The following MACROD2 variants were observed in gnomAD, a reference collection of about 807,000 sequenced individuals.
The protein encoded by MACROD2 is mono-ADP ribosylhydrolase 2.
MACROD2 carries 36 observed loss-of-function variants against 70.4 expected under a neutral mutation model. The ratio of observed to expected loss-of-function variants is 0.51; its 90% CI spans 0.39 to 0.68. The LOEUF is 0.68. Among genes scored for constraint, MACROD2 ranks in the 30% least tolerant of loss-of-function variants. The probability of loss-of-function intolerance (pLI) is 0.00; values close to 1 mark genes in which losing one functional copy is unlikely to be tolerated. For missense variants in MACROD2, 496 were observed against 538.4 expected, an observed-to-expected ratio of 0.92 and a Z score of 0.78; for synonymous variants, 172 against 178.8, an observed-to-expected ratio of 0.96 and a Z score of 0.30.
chr20:15,760,694 C>G lies in MACROD2; in HGVS notation c.646-102051C>G, dbSNP rs144025138. Among the ~76,000 whole-genome samples the G allele has an allele frequency of 4.3e-4, 65 of 152,284 alleles. No individual in the cohort carries two copies. The East Asian group carries it at 0.012, about 29-fold the overall frequency. On this transcript the variant is annotated intron_variant, in intron 8 of 17. Coordinates refer to ENST00000684519, the MANE Select transcript of MACROD2 (RefSeq NM_001351661.2). ...TGCTTTTACTTCAAGCATGCACACA[C>G]CGACATCTAGCAAAATGCCTGGAAG...
At chr20:14,691,053 G>A (rs1180262393) in intron 5 of MACROD2, among the ~76,000 whole-genome samples, 1 of 152,160 alleles carries the variant, frequency 6.6e-6, no homozygotes, top group Non-Finnish European at 1.5e-5. Flanking sequence ...GAGTAGCTGG[G>A]ATTACAGGCA....
intron 5 of MACROD2, among the ~76,000 whole-genome samples, chr20:14,957,346 C>T (rs1021912580): frequency 4.6e-5 from 7 of 151,816 alleles, no homozygotes; most frequent in East Asian, 1.9e-4. Context: ...GAAAAGGAGA[C>T]GAAAAGAAAA....
intron 5 of MACROD2, among the ~76,000 whole-genome samples, chr20:14,959,675 A>T (rs1568898231): frequency 6.6e-6 from 1 of 152,176 alleles, no homozygotes; most frequent in African/African-American, 2.4e-5. Flanking sequence ...TGCCCCCTGG[A>T]GTTGTACAAC....
chr20:15,351,958 A>C (rs1489071036), intron 6 of MACROD2, among the ~76,000 whole-genome samples: 2 of 152,216 alleles, frequency 1.3e-5, no homozygotes, highest in African/African-American at 4.8e-5. Context: ...AAGACATTTT[A>C]GTGCAGTGAA....
chr20:14,869,547 C>T (rs1444021950), intron 5 of MACROD2, among the ~76,000 whole-genome samples: 1 of 152,082 alleles, frequency 6.6e-6, no homozygotes, highest in African/African-American at 2.4e-5. Context: ...TGCACAGGAG[C>T]AATGGGTTGC....
chr20:14,018,542 T>A (rs1039146636), intron 2 of MACROD2, among the ~76,000 whole-genome samples: 3 of 152,202 alleles, frequency 2.0e-5, no homozygotes, highest in Non-Finnish European at 4.4e-5. Flanking sequence ...TCTTTTAGTT[T>A]TCCTTCTGTT....
At chr20:15,386,428 G>A (rs531943057) in intron 6 of MACROD2, among the ~76,000 whole-genome samples, 2 of 152,302 alleles carry the variant, frequency 1.3e-5, no homozygotes, top group African/African-American at 4.8e-5. Flanking sequence ...CCCAGAGAAA[G>A]TAAGTTATCT....
chr20:14,059,587 T>G (rs773540966), intron 2 of MACROD2, among the ~76,000 whole-genome samples: 1 of 152,136 alleles, frequency 6.6e-6, no homozygotes, highest in Non-Finnish European at 1.5e-5. Flanking sequence ...AGCTGAGACT[T>G]GAATAAGATG....
At chr20:15,016,474 G>A (rs116322877) in intron 5 of MACROD2, among the ~76,000 whole-genome samples, 2 of 152,156 alleles carry the variant, frequency 1.3e-5, no homozygotes, top group African/African-American at 2.4e-5. Flanking sequence ...GAGCCTAGTC[G>A]GAGGAGTTTG....
At chr20:14,605,714 C>T (rs1675233352) in intron 4 of MACROD2, among the ~76,000 whole-genome samples, 2 of 151,976 alleles carry the variant, frequency 1.3e-5, no homozygotes, top group African/African-American at 4.8e-5. Flanking sequence ...GATTCTTTTA[C>T]AGGATTTTTT....
chr20:14,796,993 T>G (rs2072517312), intron 5 of MACROD2, among the ~76,000 whole-genome samples: 1 of 151,918 alleles, frequency 6.6e-6, no homozygotes, highest in Non-Finnish European at 1.5e-5. Context: ...ATAAGCCCCC[T>G]CCTCTTCCAT....
In MACROD2 at chr20:15,776,826, T is replaced by C. The variant is rs145106561; in HGVS notation, c.646-85919T>C. Among the ~76,000 whole-genome samples the C allele has an allele frequency of 2.2e-3, 333 of 152,248 alleles. 2 individuals carry two copies. The highest frequency in any genetic ancestry group is 7.6e-3 in the African/African-American group (316 of 41,564). ...GTCTTGATTACTCAACAAGAGAGTG[T>C]ATTGATGACACAAGTTGTCCTGGGT... On this transcript the variant is annotated intron_variant, in intron 8 of 17. Transcript: ENST00000684519.
Position 15,986,711 on chromosome 20 carries a change from TCA to T in MACROD2, c.986-14_986-13del. 1 of 1,597,106 alleles carries T rather than the reference TCA, an allele frequency of 6.3e-7. No homozygotes were observed. Among genetic ancestry groups the T allele is most frequent in the South Asian group, 1.1e-5 (1 of 89,806 alleles). Reference sequence around the variant, plus strand: ...ATATCACATTTCTTTTATTTTTCAATCACTGTTTTGAACAGGACAAGAGAATG... The same window carrying T: ...ATATCACATTTCTTTTATTTTTCAATCTGTTTTGAACAGGACAAGAGAATG... On this transcript the variant is annotated splice_polypyrimidine_tract_variant and intron_variant, in intron 13 of 17. Coordinates refer to ENST00000684519, the MANE Select transcript of MACROD2 (RefSeq NM_001351661.2).
intron 6 of MACROD2, among the ~76,000 whole-genome samples, chr20:15,272,791 A>G (rs2077357028): frequency 6.6e-6 from 1 of 152,140 alleles, no homozygotes; most frequent in Admixed American, 6.5e-5. Context: ...TTGGGGAGTA[A>G]AACAATTTTA....
chr20:15,404,791 T>C (rs745718295), intron 6 of MACROD2, among the ~76,000 whole-genome samples: 25 of 152,230 alleles, frequency 1.6e-4, no homozygotes, highest in Non-Finnish European at 3.5e-4. Context: ...TTCAGTAGCA[T>C]TGACTCTCAT....
chr20:14,574,867 C>T (rs935087300), intron 4 of MACROD2, among the ~76,000 whole-genome samples: 4 of 146,846 alleles, frequency 2.7e-5, no homozygotes, highest in South Asian at 2.2e-4. Context: ...AAAAATTAGC[C>T]GGGCGCGGTG....
intron 8 of MACROD2, among the ~76,000 whole-genome samples, chr20:15,790,258 G>A (rs2063611750): frequency 1.3e-5 from 2 of 151,532 alleles, no homozygotes; most frequent in African/African-American, 4.8e-5. Context: ...TCAAGAATAT[G>A]TATTTTTCAA....
intron 8 of MACROD2, among the ~76,000 whole-genome samples, chr20:15,570,915 A>G (rs1194715734): frequency 6.6e-6 from 1 of 152,180 alleles, no homozygotes; most frequent in African/African-American, 2.4e-5. Context: ...AAAAGGTAGC[A>G]GGGGATCAAC....
At chr20:15,843,806 G>A (rs553923278) in intron 8 of MACROD2, among the ~76,000 whole-genome samples, 24 of 152,240 alleles carry the variant, frequency 1.6e-4, no homozygotes, top group African/African-American at 5.1e-4. Flanking sequence ...AATGAGAAAC[G>A]TGTAATTAAC....
Sources: allele counts gnomAD v4.1 joint callset (sites outside exome capture counted in the v4.1 genomes callset), GRCh38; gene constraint gnomAD v4.1.1; transcripts MANE v1.5; gene names NCBI Gene and HGNC (gene_info 2026-07-23, HGNC 2026-07-21).